The following SHISA7 variants were observed in gnomAD, a reference collection of about 807,000 sequenced individuals.
SHISA7 encodes the protein protein shisa-7.
SHISA7 carries 6 observed loss-of-function variants against 23.9 expected under a neutral mutation model. That is an observed-to-expected ratio of 0.25 (90% CI 0.14 to 0.50). The LOEUF (loss-of-function observed/expected upper bound fraction) is 0.50. Among genes scored for constraint, SHISA7 ranks in the 20% least tolerant of loss-of-function variants. The pLI is 0.98. For synonymous variants in SHISA7, 386 were observed against 398.3 expected, an observed-to-expected ratio of 0.97 and a Z score of 0.37; for missense variants, 671 against 801.1, an observed-to-expected ratio of 0.84 and a Z score of 1.96.
In SHISA7 at chr19:55,433,072, C is replaced by A; in HGVS notation, c.*84G>T. 1 of 1,416,280 alleles carries A rather than the reference C, an allele frequency of 7.1e-7. No homozygotes were observed. The highest frequency in any genetic ancestry group is 9.2e-7 in the Non-Finnish European group (1 of 1,089,716). 87.7% of individuals were successfully genotyped at this position (1,416,280 alleles called of 1,614,324 possible). A position where few individuals can be genotyped will look rare whatever the true frequency, so the allele number is the denominator to read the frequency against. ...AAGGGCCGATCTGGGCCCCAGGCCC[C>A]TGGCATGTGTGCGCCTGTGTCGGGG... On this transcript the variant is annotated 3_prime_UTR_variant, in exon 4 of 4. Coordinates refer to ENST00000376325, the MANE Select transcript of SHISA7 (RefSeq NM_001145176.2). The surrounding 1 kb of genome is among the most constrained non-coding windows in gnomAD (Gnocchi z 8.4).
chr19:55,430,047 G>A lies in SHISA7; in HGVS notation c.*3109C>T, dbSNP rs1197625304. ...CAGGGGGCAGTGGCGTCACCTGAGG[G>A]TTGAAATGCTTCCTCTCTGGTGATA... On this transcript the variant is annotated 3_prime_UTR_variant, in exon 4 of 4. Coordinates refer to ENST00000376325, the MANE Select transcript of SHISA7 (RefSeq NM_001145176.2). The A allele has an allele frequency of 2.7e-4, 41 of 152,354 alleles. No homozygotes were observed. Among genetic ancestry groups the A allele is most frequent in the Admixed American group, 2.7e-3 (41 of 15,284 alleles). The allele number at this position is 152,354 out of a possible 1,614,324, so 9.4% of individuals were successfully genotyped here. A position where few individuals can be genotyped will look rare whatever the true frequency, so the allele number is the denominator to read the frequency against.
At chr19:55,435,233 T>C (rs1302073162) in intron 3 of SHISA7, among the ~76,000 whole-genome samples, 9 of 103,356 alleles carry the variant, frequency 8.7e-5, no homozygotes, top group Non-Finnish European at 1.5e-4. Context: ...TGTATGTGTG[T>C]GTGCGTGTGT....
At chr19:55,437,019 G>T (rs1159758046) in intron 3 of SHISA7, among the ~76,000 whole-genome samples, 4 of 152,224 alleles carry the variant, frequency 2.6e-5, no homozygotes, top group African/African-American at 9.6e-5. Flanking sequence ...ACTGCAGAAT[G>T]TCCAATGAGA....
chr19:55,439,632 T>C (rs147126797), intron 2 of SHISA7, among the ~76,000 whole-genome samples: 8 of 152,340 alleles, frequency 5.3e-5, no homozygotes, highest in African/African-American at 1.7e-4. Flanking sequence ...CTCTGCCACC[T>C]GGAGCTTCCC....
chr19:55,440,513 C>T (rs1470892036), intron 2 of SHISA7, 98 bp downstream of exon 2: 41 of 1,160,074 alleles, frequency 3.5e-5, no homozygotes, highest in African/African-American at 4.8e-5. Context: ...AGGGCGGGTC[C>T]TGGGCGATGG....
At position 55,442,714 on chromosome 19, in the gene SHISA7, G is replaced by A; in HGVS notation, c.150C>T (p.Gly50=). Residue 50 remains glycine, a synonymous_variant, in exon 1 of 4, where the codon GGC becomes GGT. Coordinates refer to ENST00000376325, the MANE Select transcript of SHISA7 (RefSeq NM_001145176.2). ...TGGCGCCTGGGCTCGCCGCGCCCCC[G>A]CCGCCCGTCAGCGCCCCGGTCAGGC... ...LRRLTGALTG[G]GGAASPGANG... 1 of 1,021,730 alleles carries A rather than the reference G, an allele frequency of 9.8e-7. No homozygotes were observed. The highest frequency in any genetic ancestry group is 1.2e-6 in the Non-Finnish European group (1 of 855,682). 63.3% of individuals were successfully genotyped at this position (1,021,730 alleles called of 1,614,324 possible).
intron 3 of SHISA7, among the ~76,000 whole-genome samples, chr19:55,434,542 TTGTGTGTGTATGGTGTGTGTGG>T (rs1985328403): frequency 1.0e-5 from 1 of 97,016 alleles, no homozygotes; most frequent in Non-Finnish European, 2.1e-5. Flanking sequence ...GTGTGTGTGG[TTGTGTGTGTATGGTGTGTGTGG>T]TGTGTGTGTA....
At position 55,442,906 on chromosome 19, in the gene SHISA7, G is replaced by A; in HGVS notation, c.-43C>T. On this transcript the variant is annotated 5_prime_UTR_variant, in exon 1 of 4. Transcript: ENST00000376325. ...GCACTGGGCCGCCAGGCTGCGGGGA[G>A]AACGAGAGCAGAGGTTGGAGCGCTG... 8.4e-7 allele frequency: 1 copy of A among 1,185,986 alleles called. No individual in the cohort carries two copies. The highest frequency in any genetic ancestry group is 2.2e-5 in the South Asian group (1 of 46,236). 73.5% of individuals were successfully genotyped at this position (1,185,986 alleles called of 1,614,324 possible).
chr19:55,437,183 G>A (rs868536745), intron 3 of SHISA7, among the ~76,000 whole-genome samples: 9 of 152,102 alleles, frequency 5.9e-5, no homozygotes, highest in Admixed American at 2.6e-4. Flanking sequence ...CAGGGTGGTC[G>A]TTGCCACCAC....
At chr19:55,434,419 T>G (rs1985313948) in intron 3 of SHISA7, among the ~76,000 whole-genome samples, 1 of 131,620 alleles carries the variant, frequency 7.6e-6, no homozygotes, top group Non-Finnish European at 1.6e-5. Flanking sequence ...GTGGTGTGTG[T>G]GTATGGTGTG....
intron 3 of SHISA7, among the ~76,000 whole-genome samples, chr19:55,434,984 T>C (rs1265130200): frequency 8.0e-6 from 1 of 124,868 alleles, no homozygotes; most frequent in Non-Finnish European, 1.7e-5. Context: ...GTGTGGATGG[T>C]GTGTATGGTG....
chr19:55,434,696 CGTGT>C (rs573170507), intron 3 of SHISA7, among the ~76,000 whole-genome samples: 9 of 23,900 alleles, frequency 3.8e-4, no homozygotes, highest in Non-Finnish European at 5.4e-4. Context: ...GTGTATGGTG[CGTGT>C]GTGTGGTGTG....
intron 2 of SHISA7, among the ~76,000 whole-genome samples, chr19:55,438,958 C>T (rs973419474): frequency 6.6e-6 from 1 of 152,150 alleles, no homozygotes; most frequent in African/African-American, 2.4e-5. Context: ...TTGGTTCCTT[C>T]TGACATCTGA....
chr19:55,433,118 G>C lies in SHISA7; in HGVS notation c.*38C>G. 5 of 1,495,694 alleles carry C rather than the reference G, an allele frequency of 3.3e-6. No individual in the cohort carries two copies. The highest frequency in any genetic ancestry group is 2.5e-5 in the South Asian group (2 of 80,120). The allele number at this position is 1,495,694 out of a possible 1,614,324, so 92.7% of individuals were successfully genotyped here. A position where few individuals can be genotyped will look rare whatever the true frequency, so the allele number is the denominator to read the frequency against. Reference sequence around the variant, plus strand: ...CGGGGGATCCAGGCTGGGACGGGGGGCCCGGGAGGCCGCAGCCCCCCAGAC... The same window carrying C: ...CGGGGGATCCAGGCTGGGACGGGGGCCCCGGGAGGCCGCAGCCCCCCAGAC... On this transcript the variant is annotated 3_prime_UTR_variant, in exon 4 of 4. Coordinates refer to ENST00000376325, the MANE Select transcript of SHISA7 (RefSeq NM_001145176.2). This position sits in a 1 kb window ranked among gnomAD's most constrained non-coding sequence, Gnocchi z 8.4.
At chr19:55,438,300 G>A (rs77836856) in intron 2 of SHISA7, among the ~76,000 whole-genome samples, 2 of 152,344 alleles carry the variant, frequency 1.3e-5, no homozygotes, top group Admixed American at 6.5e-5. Context: ...CCCCAAGAGG[G>A]GGGTACTGGG....
At chr19:55,437,050 G>T (rs569781728) in intron 3 of SHISA7, among the ~76,000 whole-genome samples, 1 of 152,314 alleles carries the variant, frequency 6.6e-6, no homozygotes, top group South Asian at 2.1e-4. Flanking sequence ...TGGGTTCAGG[G>T]ATGGGCATGT....
At chr19:55,436,941 G>A (rs777850701) in intron 3 of SHISA7, among the ~76,000 whole-genome samples, 1 of 152,116 alleles carries the variant, frequency 6.6e-6, no homozygotes, top group African/African-American at 2.4e-5. Flanking sequence ...AGAAGAAAAA[G>A]TGTTTCCTAG....
In SHISA7 at chr19:55,433,212, C is replaced by T; in HGVS notation, c.1561G>A (p.Gly521Ser). Residue 521 changes from glycine (G) to serine (S), a missense_variant, in exon 4 of 4, where the codon GGC (glycine) becomes AGC (serine). This residue lies in a region of SHISA7 where 457 missense variants were observed against 488.3 expected (regional missense o/e 0.94). Transcript: ENST00000376325. This position sits in a 1 kb window ranked among gnomAD's most constrained non-coding sequence, Gnocchi z 8.4. Reference sequence around the variant, plus strand: ...CGCAGGTGCTGGGGCAGGTGGTGGCCCGGGATGAACTGCAGCTGCTCCAGC... The same window carrying T: ...CGCAGGTGCTGGGGCAGGTGGTGGCTCGGGATGAACTGCAGCTGCTCCAGC... ...GTLEQLQFIP[G>S]HHLPQHLRTA... The T allele has an allele frequency of 6.5e-7, 1 of 1,529,208 alleles. No individual in the cohort carries two copies. Among genetic ancestry groups the T allele is most frequent in the Non-Finnish European group, 8.7e-7 (1 of 1,143,484 alleles). 94.7% of individuals were successfully genotyped at this position (1,529,208 alleles called of 1,614,324 possible).
chr19:55,435,006 TATATGTG>T (rs1437586929), intron 3 of SHISA7, among the ~76,000 whole-genome samples: 4 of 116,838 alleles, frequency 3.4e-5, no homozygotes, highest in Non-Finnish European at 5.3e-5. Context: ...GTGTGTGGTG[TATATGTG>T]GTGTGTGTGT....
Sources: gnomAD v4.1 joint callset for allele counts (sites outside exome capture counted in the v4.1 genomes callset) on GRCh38, gnomAD v4.1.1 for gene constraint, gnomAD v4.1.1 regional missense constraint, Gnocchi (gnomAD v3.1) non-coding constraint, MANE v1.5 for transcripts, NCBI Gene and HGNC (gene_info 2026-07-23, HGNC 2026-07-21) for gene names.